The following PARD3 variants were observed in gnomAD, a reference collection of about 807,000 sequenced individuals.
PARD3 encodes par-3 family cell polarity regulator.
Under a neutral mutation model 155.4 loss-of-function variants are expected in PARD3, and 75 were observed. The observed-to-expected ratio is 0.48, with a 90% CI of 0.40 to 0.58. PARD3 has a LOEUF of 0.58. Ranked by LOEUF, PARD3 falls within the 20% of genes least tolerant of loss-of-function variation. PARD3 has a pLI of 0.00. For synonymous variants in PARD3, 576 were observed against 610.5 expected (o/e 0.94, Z 0.83); for missense variants, 1,642 against 1,721.7 (o/e 0.95, Z 0.82).
At chr10:34,588,427 T>C (rs1350603490) in intron 2 of PARD3, among the ~76,000 whole-genome samples, 1 of 152,204 alleles carries the variant, frequency 6.6e-6, no homozygotes, top group Non-Finnish European at 1.5e-5. Flanking sequence ...AAGCTTCTCT[T>C]CCTTAACCAA....
chr10:34,386,256 T>C (rs886897199), intron 7 of PARD3, among the ~76,000 whole-genome samples: 4 of 152,296 alleles, frequency 2.6e-5, no homozygotes, highest in Non-Finnish European at 4.4e-5. Context: ...AAAACAATAT[T>C]ATGTAGATAA....
chr10:34,196,611 T>C (rs1950952281), intron 22 of PARD3, among the ~76,000 whole-genome samples: 1 of 147,504 alleles, frequency 6.8e-6, no homozygotes, highest in Non-Finnish European at 1.5e-5. Flanking sequence ...TCTCGCTCTG[T>C]CGCCCAGGCT....
At chr10:34,724,915 AG>A (rs1171173392) in intron 1 of PARD3, among the ~76,000 whole-genome samples, 1 of 152,222 alleles carries the variant, frequency 6.6e-6, no homozygotes, top group Non-Finnish European at 1.5e-5. Context: ...TGAGCTGATT[AG>A]TTACAAATAT....
At position 34,181,029 on chromosome 10, in the gene PARD3, A is replaced by C. The variant is rs549432244; in HGVS notation, c.3420-49446T>G. ...CTAGCTGTGTGTCCTGAGGTGAGCT[A>C]CTTTACCTCTCTGAGCCTTAATGTA... On this transcript the variant is annotated intron_variant, in intron 22 of 24. Coordinates refer to ENST00000374788, the MANE Select transcript of PARD3 (RefSeq NM_001184785.2). Among the ~76,000 whole-genome samples the C allele has an allele frequency of 3.0e-3, 463 of 152,292 alleles. 1 individual carries two copies. The highest frequency in any genetic ancestry group is 5.8e-3 in the Non-Finnish European group (394 of 68,022).
At chr10:34,796,738 A>C (rs1842292048) in intron 1 of PARD3, among the ~76,000 whole-genome samples, 1 of 152,162 alleles carries the variant, frequency 6.6e-6, no homozygotes, top group Admixed American at 6.5e-5. Context: ...TAATCCCAGC[A>C]CTCTGGGAGG....
At chr10:34,220,286 C>T (rs559356372) in intron 22 of PARD3, among the ~76,000 whole-genome samples, 2 of 152,140 alleles carry the variant, frequency 1.3e-5, no homozygotes, top group South Asian at 2.1e-4. Flanking sequence ...TGACATCCCG[C>T]GTTTTTAAAA....
At chr10:34,681,924 C>T (rs1451499076) in intron 2 of PARD3, among the ~76,000 whole-genome samples, 2 of 150,514 alleles carry the variant, frequency 1.3e-5, no homozygotes, top group African/African-American at 2.4e-5. Flanking sequence ...ACCCCGCCAA[C>T]ATTTTCATCT....
chr10:34,358,389 G>A (rs1839106123), intron 14 of PARD3, among the ~76,000 whole-genome samples: 1 of 152,118 alleles, frequency 6.6e-6, no homozygotes, highest in Admixed American at 6.5e-5. Flanking sequence ...AACAAGCAGA[G>A]TATAATACAA....
intron 22 of PARD3, among the ~76,000 whole-genome samples, chr10:34,185,959 G>A (rs1187057850): frequency 1.3e-5 from 2 of 151,870 alleles, no homozygotes; most frequent in Non-Finnish European, 2.9e-5. Flanking sequence ...CAGGGGTTAC[G>A]TATCACCTTC....
At position 34,708,066 on chromosome 10, in the gene PARD3, CCTT is replaced by C. The variant is rs199704569; in HGVS notation, c.121-11650_121-11648del. 8.9e-3 allele frequency among the ~76,000 whole-genome samples: 1,359 copies of C among 152,270 alleles called. 21 individuals are homozygous for C. Among genetic ancestry groups the C allele is most frequent in the African/African-American group, 0.03 (1,248 of 41,534 alleles). Reference sequence around the variant, plus strand: ...TCTTCCCTCTAACACCAACTTCCTGCCTTCTTCATTCCTACTGATAGCAGCATC... The same window carrying C: ...TCTTCCCTCTAACACCAACTTCCTGCCTTCATTCCTACTGATAGCAGCATC... On this transcript the variant is annotated intron_variant, in intron 1 of 24. Coordinates refer to ENST00000374788, the MANE Select transcript of PARD3 (RefSeq NM_001184785.2).
intron 2 of PARD3, among the ~76,000 whole-genome samples, chr10:34,642,891 G>C (rs1469983031): frequency 6.6e-6 from 1 of 152,120 alleles, no homozygotes; most frequent in Non-Finnish European, 1.5e-5. Context: ...TCACTCTCCA[G>C]CAGACCCCCA....
chr10:34,526,365 G>T (rs1423313576), intron 2 of PARD3, among the ~76,000 whole-genome samples: 1 of 152,102 alleles, frequency 6.6e-6, no homozygotes, highest in Non-Finnish European at 1.5e-5. Flanking sequence ...ATCTCCCCCA[G>T]TCCCTACGCT....
intron 1 of PARD3, among the ~76,000 whole-genome samples, chr10:34,714,422 T>C (rs1382499215): frequency 6.6e-6 from 1 of 152,194 alleles, no homozygotes. Flanking sequence ...GTTATCCAAC[T>C]GCACCTCGTG....
intron 2 of PARD3, among the ~76,000 whole-genome samples, chr10:34,563,381 G>C (rs148755709): frequency 6.6e-6 from 1 of 152,182 alleles, no homozygotes; most frequent in African/African-American, 2.4e-5. Context: ...CTGTTTATTT[G>C]TTTTAAGACA....
At chr10:34,641,978 G>A (rs1260409366) in intron 2 of PARD3, among the ~76,000 whole-genome samples, 1 of 152,110 alleles carries the variant, frequency 6.6e-6, no homozygotes, top group Non-Finnish European at 1.5e-5. Flanking sequence ...AGACTAAATG[G>A]TAATGAACAC....
In PARD3 at chr10:34,608,824, G is replaced by A. The variant is rs576641719; in HGVS notation, c.222+87494C>T. ...GCTAGGATTACAGGCATGAGCCACCGCACCCAGCCTACAAATTTTTAAAAC... is the reference window on the plus strand; with the variant it reads ...GCTAGGATTACAGGCATGAGCCACCACACCCAGCCTACAAATTTTTAAAAC... On this transcript the variant is annotated intron_variant, in intron 2 of 24. Transcript: ENST00000374788. Among the ~76,000 whole-genome samples the A allele has an allele frequency of 2.6e-5, 4 of 151,966 alleles. No homozygotes were observed. In the South Asian group the frequency reaches 6.2e-4, roughly 24 times the overall value.
intron 2 of PARD3, among the ~76,000 whole-genome samples, chr10:34,538,349 G>A (rs2083361657): frequency 6.6e-6 from 1 of 152,166 alleles, no homozygotes; most frequent in Admixed American, 6.5e-5. Flanking sequence ...AACTGCCTCT[G>A]TCCCTAATGC....
At chr10:34,301,897 C>CAA (rs1358249667) in intron 20 of PARD3, among the ~76,000 whole-genome samples, 3 of 143,052 alleles carry the variant, frequency 2.1e-5, no homozygotes, top group African/African-American at 7.8e-5. Flanking sequence ...ATCTATATGT[C>CAA]TCTGTCCCTA....
At chr10:34,559,042 T>TCCCCCCC (rs886905007) in intron 2 of PARD3, among the ~76,000 whole-genome samples, 17 of 149,988 alleles carry the variant, frequency 1.1e-4, no homozygotes, top group African/African-American at 4.2e-4. Flanking sequence ...AACTCATTTT[T>TCCCCCCC]CCCCCCCACA....
Sources: gnomAD v4.1 joint callset for allele counts (sites outside exome capture counted in the v4.1 genomes callset) on GRCh38, gnomAD v4.1.1 for gene constraint, MANE v1.5 for transcripts, NCBI Gene and HGNC (gene_info 2026-07-23, HGNC 2026-07-21) for gene names.